Variants in SNX29 observed in about 807,000 individuals in gnomAD.
The protein encoded by SNX29 is sorting nexin-29.
A neutral mutation model predicts 102.1 loss-of-function variants in SNX29; 78 were observed. The observed-to-expected ratio is 0.76, with a 90% CI of 0.64 to 0.92. The LOEUF is 0.92. Ranked by LOEUF, SNX29 falls within the 40% of genes least tolerant of loss-of-function variation. The pLI is 0.00. For missense variants in SNX29, 1,280 were observed against 1,061.7 expected (o/e 1.21, Z -2.86); for synonymous variants, 580 against 414.5 (o/e 1.40, Z -4.85).
intron 15 of SNX29, among the ~76,000 whole-genome samples, chr16:12,296,764 A>G (rs1284644269): frequency 6.6e-6 from 1 of 152,210 alleles, no homozygotes; most frequent in East Asian, 1.9e-4. Context: ...CAATAGATAC[A>G]TTTACTGCTC....
At chr16:12,067,072 C>G (rs1427070675) in intron 9 of SNX29, among the ~76,000 whole-genome samples, 1 of 151,726 alleles carries the variant, frequency 6.6e-6, no homozygotes, top group Non-Finnish European at 1.5e-5. Flanking sequence ...GCAGTCCTAG[C>G]TACTCAGGAG....
chr16:12,322,696 GGACCACCGTCAGGACTTGGTCACTGGA>G (rs919132426), intron 15 of SNX29, among the ~76,000 whole-genome samples: 6 of 151,714 alleles, frequency 4.0e-5, no homozygotes, highest in Admixed American at 2.0e-4. Context: ...CGGTCGCTGG[GGACCACCGTCAGGACTTGGTCACTGGA>G]GACCACCGTC....
chr16:12,572,836 C>G lies in SNX29; in HGVS notation c.*4207C>G, dbSNP rs1157141398. ...TTAGGAGGCATCCCAGAAGGGGCAG[C>G]CTCATGCCCAGGTTTCAGCCCTAAA... On this transcript the variant is annotated 3_prime_UTR_variant, in exon 21 of 21. Coordinates refer to ENST00000566228, the MANE Select transcript of SNX29 (RefSeq NM_032167.5). 2.7e-5 allele frequency: 29 copies of G among 1,063,858 alleles called. No homozygotes were observed. In the East Asian group the frequency reaches 3.5e-4, roughly 13 times the overall value. 65.9% of individuals were successfully genotyped at this position (1,063,858 alleles called of 1,614,324 possible).
At chr16:12,306,526 G>C (rs1031739167) in intron 15 of SNX29, among the ~76,000 whole-genome samples, 9 of 152,180 alleles carry the variant, frequency 5.9e-5, no homozygotes, top group Admixed American at 3.3e-4. Flanking sequence ...CAGAGCCTTT[G>C]AAATCTTTGT....
intron 20 of SNX29, among the ~76,000 whole-genome samples, chr16:12,542,880 G>A (rs17240735): frequency 0.11 from 17,265 of 152,138 alleles, 1,318 homozygotes; most frequent in Non-Finnish European, 0.16. Context: ...AGTCTCTAGA[G>A]GTCCCAGAAA....
At chr16:12,461,978 A>AAAAAAT (rs1555544501) in intron 18 of SNX29, among the ~76,000 whole-genome samples, 11 of 27,348 alleles carry the variant, frequency 4.0e-4, no homozygotes, top group African/African-American at 5.5e-4. Context: ...AAAAAAAAAA[A>AAAAAAT]ATATATATAT....
At chr16:12,233,395 C>T (rs755220468) in intron 14 of SNX29, among the ~76,000 whole-genome samples, 1 of 152,068 alleles carries the variant, frequency 6.6e-6, no homozygotes, top group East Asian at 1.9e-4. Flanking sequence ...AGTGGGTACT[C>T]CTGGACAGGA....
intron 18 of SNX29, among the ~76,000 whole-genome samples, chr16:12,423,776 T>A (rs1481767542): frequency 1.3e-5 from 2 of 152,204 alleles, no homozygotes; most frequent in African/African-American, 4.8e-5. Flanking sequence ...TTCGCTATGT[T>A]GGCCAGGCTG....
chr16:12,208,589 A>G (rs1278732510), intron 14 of SNX29, among the ~76,000 whole-genome samples: 1 of 152,138 alleles, frequency 6.6e-6, no homozygotes, highest in Non-Finnish European at 1.5e-5. Flanking sequence ...CAGGAGTTCA[A>G]GATCAGCCTG....
intron 15 of SNX29, among the ~76,000 whole-genome samples, chr16:12,322,879 AGTCACT>A (rs869026201): frequency 0.11 from 3,785 of 35,236 alleles, 51 homozygotes; most frequent in African/African-American, 0.13. Flanking sequence ...CGGTCACTGG[AGTCACT>A]GGGGACCACT....
At chr16:12,524,939 C>T (rs1332163551) in intron 20 of SNX29, 98 bp downstream of exon 20, 6 of 1,507,366 alleles carry the variant, frequency 4.0e-6, no homozygotes, top group South Asian at 3.8e-5. Flanking sequence ...CTCCGTGATG[C>T]CCTGATCGCC....
At chr16:12,167,656 C>CT (rs2076048335) in intron 13 of SNX29, among the ~76,000 whole-genome samples, 1 of 152,020 alleles carries the variant, frequency 6.6e-6, no homozygotes, top group East Asian at 1.9e-4. Context: ...TTTAATCCTC[C>CT]CAATGAGGTA....
intron 14 of SNX29, among the ~76,000 whole-genome samples, chr16:12,272,489 C>CAAGGTAT (rs1056480882): frequency 1.3e-5 from 2 of 152,208 alleles, no homozygotes; most frequent in African/African-American, 4.8e-5. Flanking sequence ...CGGTGCCTGC[C>CAAGGTAT]AAGGTATCTG....
intron 19 of SNX29, among the ~76,000 whole-genome samples, chr16:12,508,511 T>A (rs2089472730): frequency 6.6e-6 from 1 of 152,250 alleles, no homozygotes; most frequent in Non-Finnish European, 1.5e-5. Context: ...TTGAATTAGC[T>A]GCTAGCTGAT....
Position 12,347,782 on chromosome 16 carries a change from A to G in SNX29, c.1783-8381A>G, listed in dbSNP as rs941669274. 6.6e-5 allele frequency among the ~76,000 whole-genome samples: 10 copies of G among 152,110 alleles called. No individual in the cohort carries two copies. In the East Asian group the frequency reaches 1.9e-3, roughly 29 times the overall value. ...ACAATAACCTCATTTGACAAATAAG[A>G]TACCAGGAATCAGAGCTGGGTGTGG... On this transcript the variant is annotated intron_variant, in intron 15 of 20. Coordinates refer to ENST00000566228, the MANE Select transcript of SNX29 (RefSeq NM_032167.5).
intron 16 of SNX29, among the ~76,000 whole-genome samples, chr16:12,380,030 T>C (rs2083015284): frequency 6.6e-6 from 1 of 152,126 alleles, no homozygotes; most frequent in Non-Finnish European, 1.5e-5. Flanking sequence ...CTCTTGGTGT[T>C]TGAAGACAGA....
At chr16:12,354,212 G>C (rs1378870208) in intron 15 of SNX29, among the ~76,000 whole-genome samples, 1 of 152,198 alleles carries the variant, frequency 6.6e-6, no homozygotes, top group Middle Eastern at 3.2e-3. Context: ...AATGGCTGTA[G>C]GTAGGGATAT....
chr16:12,062,304 G>A lies in SNX29; in HGVS notation c.1243+658G>A, dbSNP rs933593776. Among the ~76,000 whole-genome samples the A allele has an allele frequency of 1.1e-4, 17 of 151,818 alleles. No homozygotes were observed. In the East Asian group the frequency reaches 2.7e-3, roughly 24 times the overall value. On this transcript the variant is annotated intron_variant, in intron 9 of 20. Transcript: ENST00000566228. ...TGAGGCAGGAGAATTGCTTGAACCC[G>A]GGAGGTGGAGGTTGCAGTGAGCCGA... is the stretch of plus-strand genomic sequence containing the variant.
chr16:12,554,201 C>T (rs41461544), intron 20 of SNX29, among the ~76,000 whole-genome samples: 5,828 of 152,168 alleles, frequency 0.038, 256 homozygotes, highest in South Asian at 0.12. Context: ...ACCATTTGAA[C>T]GATGAGCATA....
Sources: allele counts gnomAD v4.1 joint callset (sites outside exome capture counted in the v4.1 genomes callset), GRCh38; gene constraint gnomAD v4.1.1; transcripts MANE v1.5; gene names NCBI Gene and HGNC (gene_info 2026-07-23, HGNC 2026-07-21).